The following ADAMTS10 variants were observed in gnomAD, a reference collection of about 807,000 sequenced individuals.
ADAMTS10 encodes ADAM metallopeptidase with thrombospondin type 1 motif 10, also known as A disintegrin and metalloproteinase with thrombospondin motifs 10.
A neutral mutation model predicts 135.9 loss-of-function variants in ADAMTS10; 48 were observed. That is an observed-to-expected ratio of 0.35 (90% CI 0.28 to 0.45). The LOEUF (loss-of-function observed/expected upper bound fraction) is 0.45, where lower values mean the gene tolerates loss of function less well. Among genes scored for constraint, ADAMTS10 ranks in the 20% least tolerant of loss-of-function variants. ADAMTS10 has a pLI of 1.00. For synonymous variants in ADAMTS10, 621 were observed against 647.5 expected, an observed-to-expected ratio of 0.96 and a Z score of 0.62; for missense variants, 1,131 against 1,565.2, an observed-to-expected ratio of 0.72 and a Z score of 4.68.
At chr19:8,591,928 C>T in intron 14 of ADAMTS10, 30 bp downstream of exon 14, 7 of 1,611,374 alleles carry the variant, frequency 4.3e-6, no homozygotes, top group Admixed American at 1.7e-5. Flanking sequence ...GGTCGCGCTG[C>T]CCTCCCGGGT....
intron 5 of ADAMTS10, among the ~76,000 whole-genome samples, chr19:8,602,974 G>C (rs969818397): frequency 1.4e-4 from 22 of 152,250 alleles, no homozygotes; most frequent in African/African-American, 5.3e-4. Flanking sequence ...TATTTTGTTG[G>C]TGTATAGCTT....
chr19:8,609,234 C>CTG (rs35269308), intron 1 of ADAMTS10, among the ~76,000 whole-genome samples: 12,103 of 139,106 alleles, frequency 0.087, 1,448 homozygotes, highest in African/African-American at 0.27. Context: ...GTGTGTGACC[C>CTG]TGTGTGTGTG....
At chr19:8,583,585 G>A (rs1305390001) in intron 25 of ADAMTS10, among the ~76,000 whole-genome samples, 1 of 151,980 alleles carries the variant, frequency 6.6e-6, no homozygotes, top group African/African-American at 2.4e-5. Flanking sequence ...AGTGGCTCAC[G>A]CCTGTAATCC....
chr19:8,580,776 G>A lies in ADAMTS10; in HGVS notation c.*117C>T, dbSNP rs2042333380. ...CAGGGGTTCCCAATAAATAACTTCC[G>A]GCTCCGTCTCACCCTTCCCTCCCAG... On this transcript the variant is annotated 3_prime_UTR_variant, in exon 26 of 26. Transcript: ENST00000597188. The A allele has an allele frequency of 2.5e-6, 2 of 785,574 alleles. No individual in the cohort carries two copies. Among genetic ancestry groups the A allele is most frequent in the East Asian group, 2.7e-5 (1 of 37,130 alleles). The allele number at this position is 785,574 out of a possible 1,614,324, so 48.7% of individuals were successfully genotyped here. A position where few individuals can be genotyped will look rare whatever the true frequency, so the allele number is the denominator to read the frequency against.
At position 8,585,512 on chromosome 19, in the gene ADAMTS10, C is replaced by T. The variant is rs1555736780; in HGVS notation, c.2809G>A (p.Glu937Lys). 1 of 1,551,574 alleles carries T rather than the reference C, an allele frequency of 6.4e-7. No homozygotes were observed. Among genetic ancestry groups the T allele is most frequent in the Admixed American group, 1.9e-5 (1 of 51,384 alleles). ...GGGCAAGTGGGGCCGTGGCAGGCCTCCAGTACAGGTGGGCGCGGCTGCGGG... is the reference window on the plus strand; with the variant it reads ...GGGCAAGTGGGGCCGTGGCAGGCCTTCAGTACAGGTGGGCGCGGCTGCGGG... ...ACPQPRPPVLEACHGPTCPPE... is the reference protein window; with the variant it reads ...ACPQPRPPVLKACHGPTCPPE... Residue 937 changes from glutamate to lysine, a missense_variant, in exon 23 of 26, where the codon GAG (glutamate) becomes AAG (lysine). By Grantham distance (56) the Glu-to-Lys change is moderately conservative. Transcript: ENST00000597188.
At position 8,585,591 on chromosome 19, in the gene ADAMTS10, C is replaced by T; in HGVS notation, c.2730G>A (p.Val910=). The change falls in exon 23 of 26, where the codon GTG becomes GTA. Residue 910 remains valine (V), a synonymous_variant. Transcript: ENST00000597188. ...CDAGVRSRSV[V]CQRRVSAAEE... is the part of the protein sequence containing the mutation. ...CCGCGGCAGAGACGCGGCGCTGGCA[C>T]ACGACCGAGCGGCTGCGCACGCCTG... 3 of 1,610,050 alleles carry T rather than the reference C, an allele frequency of 1.9e-6. No homozygotes were observed. The highest frequency in any genetic ancestry group is 1.3e-5 in the African/African-American group (1 of 74,984).
chr19:8,592,958 C>G, intron 12 of ADAMTS10, 88 bp from the exon 13 acceptor site: 1 of 1,239,812 alleles, frequency 8.1e-7, no homozygotes, highest in Non-Finnish European at 1.1e-6. Context: ...AGATGTCCGG[C>G]TCACTGCCGG....
At position 8,589,353 on chromosome 19, in the gene ADAMTS10, C is replaced by T. The variant is rs782184728; in HGVS notation, c.2047G>A (p.Asp683Asn). 2.1e-5 allele frequency: 34 copies of T among 1,612,094 alleles called. No individual in the cohort carries two copies. The highest frequency in any genetic ancestry group is 2.7e-5 in the Non-Finnish European group (32 of 1,179,930). ...VSGECKHVGCDRVLGSDLRED... is the reference protein window; with the variant it reads ...VSGECKHVGCNRVLGSDLRED... ...CGCAGGTCGGAGCCCAGGACTCGGT[C>T]GCAGCCCACGTGCTGCGTGGAGAAG... The change falls in exon 18 of 26, where the codon GAC becomes AAC. Residue 683 changes from aspartate to asparagine, a missense_variant. Physicochemically the swap from Asp to Asn is conservative, Grantham distance 23. Transcript: ENST00000597188.
Position 8,592,095 on chromosome 19 carries a change from G to A in ADAMTS10, c.1596C>T (p.Tyr532=). ...ACCCAAAGGGGACACAGACCCGTTTGTAGCACCACTGGGTGGGGGGAGACA... is the reference window on the plus strand; with the variant it reads ...ACCCAAAGGGGACACAGACCCGTTTATAGCACCACTGGGTGGGGGGAGACA... ...QTHTIDKGWC[Y]KRVCVPFGSR... The change falls in exon 14 of 26, where the codon TAC becomes TAT. Residue 532 remains tyrosine, a synonymous_variant. Transcript: ENST00000597188. The A allele has an allele frequency of 6.2e-7, 1 of 1,613,780 alleles. No individual in the cohort carries two copies. Among genetic ancestry groups the A allele is most frequent in the Non-Finnish European group, 8.5e-7 (1 of 1,180,006 alleles).
chr19:8,589,797 C>A, intron 16 of ADAMTS10, 92 bp downstream of exon 16: 3 of 1,460,910 alleles, frequency 2.1e-6, no homozygotes, highest in Non-Finnish European at 2.8e-6. Flanking sequence ...GGGCTCAGGG[C>A]AGACCCCGGG....
In ADAMTS10 at chr19:8,580,531, C is replaced by G. The variant is rs1252519402; in HGVS notation, c.*362G>C. ...GGGCAGGGCACCGGCAGACCACCTC[C>G]CCACCCCTACTCTTCACAGTACATA... On this transcript the variant is annotated 3_prime_UTR_variant, in exon 26 of 26. Transcript: ENST00000597188. The G allele has an allele frequency of 4.7e-6, 1 of 210,870 alleles. No individual in the cohort carries two copies. The highest frequency in any genetic ancestry group is 9.9e-6 in the Non-Finnish European group (1 of 101,454). The allele number at this position is 210,870 out of a possible 1,614,324, so 13.1% of individuals were successfully genotyped here. A position where few individuals can be genotyped will look rare whatever the true frequency, so the allele number is the denominator to read the frequency against.
chr19:8,589,560 C>T lies in ADAMTS10; in HGVS notation c.1926G>A (p.Thr642=), dbSNP rs542904700. 2.7e-5 allele frequency: 43 copies of T among 1,613,448 alleles called. No individual in the cohort carries two copies. Among genetic ancestry groups the T allele is most frequent in the Middle Eastern group, 1.7e-4 (1 of 6,058 alleles). ...RGGGVKACSL[T]CLAEGFNFYT... ...AGAAGTTGAAGCCTTCCGCTAGGCA[C>T]GTGAGCGAGCAGGCCTTCACGCCCC... Residue 642 remains threonine (T), a synonymous_variant, in exon 17 of 26, where the codon ACG becomes ACA. Transcript: ENST00000597188.
At chr19:8,600,890 C>A in intron 6 of ADAMTS10, 38 bp downstream of exon 6, 1 of 1,612,550 alleles carries the variant, frequency 6.2e-7, no homozygotes, top group South Asian at 1.1e-5. Flanking sequence ...GGCTCCAAGT[C>A]CTCAGGGCTG....
chr19:8,601,097 G>A lies in ADAMTS10; in HGVS notation c.641C>T (p.Pro214Leu), dbSNP rs1555741490. The change falls in exon 6 of 26, where the codon CCA (proline) becomes CTA (leucine). Residue 214 changes from proline (P) to leucine (L), a missense_variant. Coordinates refer to ENST00000597188, the MANE Select transcript of ADAMTS10 (RefSeq NM_030957.4). The surrounding 1 kb of genome is among the most constrained non-coding windows in gnomAD (Gnocchi z 4.6). ...ATTCCCCAGGGGCCTGGCAGGCGGT[G>A]GCTTCAAGGTCCGCAGCCACCATGG... ...GRPWWLRTLK[P>L]PPARPLGNET... is the part of the protein sequence containing the mutation. The A allele has an allele frequency of 1.2e-6, 2 of 1,613,898 alleles. No homozygotes were observed. Among genetic ancestry groups the A allele is most frequent in the South Asian group, 1.1e-5 (1 of 91,094 alleles).
At position 8,585,068 on chromosome 19, in the gene ADAMTS10, C is replaced by T. The variant is rs1555736511; in HGVS notation, c.3043-14G>A. ...CTGTGCAGAGCACTGCGAGGGGGCA[C>T]CACTCAGTTGCTGCCCCGCAGCCCC... On this transcript the variant is annotated splice_polypyrimidine_tract_variant and intron_variant, in intron 24 of 25. Coordinates refer to ENST00000597188, the MANE Select transcript of ADAMTS10 (RefSeq NM_030957.4). The T allele has an allele frequency of 7.2e-6, 9 of 1,257,068 alleles. No individual in the cohort carries two copies. Among genetic ancestry groups the T allele is most frequent in the Non-Finnish European group, 8.6e-6 (8 of 926,408 alleles). 77.9% of individuals were successfully genotyped at this position (1,257,068 alleles called of 1,614,324 possible).
At chr19:8,587,222 T>C (rs377156806) in intron 18 of ADAMTS10, among the ~76,000 whole-genome samples, 3 of 151,530 alleles carry the variant, frequency 2.0e-5, no homozygotes, top group East Asian at 3.9e-4. Flanking sequence ...AGTGAAGTGA[T>C]CTTGGCTTGC....
Position 8,586,782 on chromosome 19 carries a change from C to T in ADAMTS10, c.2239+34G>A. 4 of 1,614,030 alleles carry T rather than the reference C, an allele frequency of 2.5e-6. No homozygotes were observed. In the South Asian group the frequency reaches 4.4e-5, roughly 18 times the overall value. On this transcript the variant is annotated intron_variant, in intron 19 of 25. Transcript: ENST00000597188. ...GCTGAAACCGCCCTCCCCACTGACC[C>T]CTAATCCTCATCCCCTCCCCACCAT...
In ADAMTS10 at chr19:8,586,541, C is replaced by T. The variant is rs781856393; in HGVS notation, c.2403+17G>A. On this transcript the variant is annotated intron_variant, in intron 20 of 25. Coordinates refer to ENST00000597188, the MANE Select transcript of ADAMTS10 (RefSeq NM_030957.4). ...CTAATTCCAAAGGCTGCACCTTGCCCCCAGTCTCCCTGTTACCATGACGAT... is the reference window on the plus strand; with the variant it reads ...CTAATTCCAAAGGCTGCACCTTGCCTCCAGTCTCCCTGTTACCATGACGAT... 5 of 1,613,284 alleles carry T rather than the reference C, an allele frequency of 3.1e-6. No individual in the cohort carries two copies. Among genetic ancestry groups the T allele is most frequent in the Non-Finnish European group, 2.5e-6 (3 of 1,180,010 alleles).
chr19:8,610,257 G>GAC (rs1275980251), intron 1 of ADAMTS10, among the ~76,000 whole-genome samples: 3 of 151,300 alleles, frequency 2.0e-5, no homozygotes, highest in African/African-American at 7.3e-5. Flanking sequence ...CATGCTTGGG[G>GAC]ACACACACAC....
Sources: gnomAD v4.1 joint callset for allele counts (sites outside exome capture counted in the v4.1 genomes callset) on GRCh38, gnomAD v4.1.1 for gene constraint, Gnocchi (gnomAD v3.1) non-coding constraint, MANE v1.5 for transcripts, NCBI Gene and HGNC (gene_info 2026-07-23, HGNC 2026-07-21) for gene names.